Variants in ZNF217 observed in about 807,000 individuals in gnomAD.
The protein encoded by ZNF217 is zinc finger protein 217.
In ZNF217, 12 loss-of-function variants were observed where a neutral mutation model predicts 73.3. The ratio of observed to expected loss-of-function variants is 0.16; its 90% CI spans 0.10 to 0.27. The LOEUF is 0.27. Among genes scored for constraint, ZNF217 ranks in the 10% least tolerant of loss-of-function variants. ZNF217 has a pLI of 1.00. For missense variants in ZNF217, 1,195 were observed against 1,327.8 expected, an observed-to-expected ratio of 0.90 and a Z score of 1.55; for synonymous variants, 588 against 516.4, an observed-to-expected ratio of 1.14 and a Z score of -1.88.
At chr20:53,580,507 G>A (rs926537766) in intron 2 of ZNF217, among the ~76,000 whole-genome samples, 2 of 152,190 alleles carry the variant, frequency 1.3e-5, no homozygotes, top group Admixed American at 6.5e-5. Flanking sequence ...ACTCTGATAG[G>A]AGAAGCTCTG....
In ZNF217 at chr20:53,583,175, G is replaced by A. The variant is rs1988571374; in HGVS notation, c.-342-7C>T. 2 of 409,186 alleles carry A rather than the reference G, an allele frequency of 4.9e-6. No individual in the cohort carries two copies. The highest frequency in any genetic ancestry group is 2.1e-5 in the African/African-American group (1 of 48,560). The allele number at this position is 409,186 out of a possible 1,614,324, so 25.3% of individuals were successfully genotyped here. A position where few individuals can be genotyped will look rare whatever the true frequency, so the allele number is the denominator to read the frequency against. ...GACAAGGGATTTCCAAACCCTAGAG[G>A]AAAAAAAACAGAAACGGTTAGCTAC... On this transcript the variant is annotated splice_polypyrimidine_tract_variant and splice_region_variant and intron_variant, in intron 1 of 5. Transcript: ENST00000371471.
Position 53,579,674 on chromosome 20 carries a change from T to C in ZNF217, c.1367-1224A>G, listed in dbSNP as rs74581192. On this transcript the variant is annotated intron_variant, in intron 2 of 5. Transcript: ENST00000371471. ...AGGACATGACATTTCCACATCTACC[T>C]GGTTCCTGCTCTTTCAAGCATCACC... is the stretch of plus-strand genomic sequence containing the variant. 8.9e-3 allele frequency among the ~76,000 whole-genome samples: 1,363 copies of C among 152,334 alleles called. 28 individuals carry two copies. The highest frequency in any genetic ancestry group is 0.032 in the African/African-American group (1,312 of 41,562).
chr20:53,593,462 C>T lies in ZNF217; in HGVS notation c.-343+294G>A, dbSNP rs553828924. Among the ~76,000 whole-genome samples the T allele has an allele frequency of 2.6e-3, 387 of 149,920 alleles. 1 individual carries two copies. The highest frequency in any genetic ancestry group is 9.0e-3 in the African/African-American group (367 of 40,792). Reference sequence around the variant, plus strand: ...CACCCCCGCAGACCCCCGCTCCCGGCGGAGATTCAGGGAACCCCGCACCCC... The same window carrying T: ...CACCCCCGCAGACCCCCGCTCCCGGTGGAGATTCAGGGAACCCCGCACCCC... On this transcript the variant is annotated intron_variant, in intron 1 of 5. Transcript: ENST00000371471.
chr20:53,591,954 G>A (rs1988889901), intron 1 of ZNF217, among the ~76,000 whole-genome samples: 1 of 152,192 alleles, frequency 6.6e-6, no homozygotes, highest in Non-Finnish European at 1.5e-5. Context: ...AAAAGAGAAG[G>A]TAAAAGGCCT....
chr20:53,570,087 T>C (rs905953672), intron 5 of ZNF217, among the ~76,000 whole-genome samples: 6 of 152,298 alleles, frequency 3.9e-5, no homozygotes, highest in Admixed American at 6.5e-5. Flanking sequence ...CAGCTCCAGA[T>C]ACAGGAGCAT....
intron 3 of ZNF217, among the ~76,000 whole-genome samples, 166 bp downstream of exon 3, chr20:53,578,168 T>C (rs966961824): frequency 1.3e-5 from 2 of 152,142 alleles, no homozygotes; most frequent in Non-Finnish European, 1.5e-5. Context: ...TGGCTCAAGT[T>C]ACAATGGCAC....
rs753013652 is a variant in ZNF217, at chr20:53,575,947, G to C, written c.2817C>G (p.Gly939=). Reference sequence around the variant, plus strand: ...CCATATGGTACTTGGGAAGGTCATAGCCTCTTCTGTAATTGGCCCCGGGCT... The same window carrying C: ...CCATATGGTACTTGGGAAGGTCATACCCTCTTCTGTAATTGGCCCCGGGCT... ...VDQPGANYRR[G]YDLPKYHMVR... The change falls in exon 4 of 6, where the codon GGC becomes GGG. Residue 939 remains glycine (G), a synonymous_variant. Transcript: ENST00000371471. The C allele has an allele frequency of 2.4e-5, 39 of 1,614,110 alleles. No individual in the cohort carries two copies. The highest frequency in any genetic ancestry group is 1.3e-4 in the Admixed American group (8 of 60,006).
At chr20:53,573,900 G>T (rs13036836) in intron 4 of ZNF217, among the ~76,000 whole-genome samples, 1 of 151,928 alleles carries the variant, frequency 6.6e-6, no homozygotes, top group Non-Finnish European at 1.5e-5. Flanking sequence ...GCGAAATGCC[G>T]TCTCTACTAA....
intron 1 of ZNF217, among the ~76,000 whole-genome samples, chr20:53,587,672 G>A (rs1397120262): frequency 2.6e-5 from 4 of 151,562 alleles, no homozygotes; most frequent in Non-Finnish European, 5.9e-5. Flanking sequence ...CAAATAAGGA[G>A]TTATTAAAAA....
In ZNF217 at chr20:53,577,288, A is replaced by G. The variant is rs1474891669; in HGVS notation, c.1484-8T>C. The G allele has an allele frequency of 2.5e-6, 4 of 1,592,888 alleles. No individual in the cohort carries two copies. In the African/African-American group the frequency reaches 5.4e-5, roughly 21 times the overall value. ...ATTTGTATGGTTTTTCACCTAAGGC[A>G]AGAAATGGCACTTTATTATAGAAGT... On this transcript the variant is annotated splice_region_variant and splice_polypyrimidine_tract_variant and intron_variant, in intron 3 of 5. Coordinates refer to ENST00000371471, the MANE Select transcript of ZNF217 (RefSeq NM_006526.3).
rs1294344862 is a variant in ZNF217, at chr20:53,578,359, G to A, written c.1458C>T (p.Leu486=). Residue 486 remains leucine, a synonymous_variant, in exon 3 of 6, where the codon CTC becomes CTT. Coordinates refer to ENST00000371471, the MANE Select transcript of ZNF217 (RefSeq NM_006526.3). ...CGKFFRSNYY[L]NIHLRTHTGE... ...CTGTATGCGTTCTGAGATGAATATT[G>A]AGGTAATAATTTGAACGGAAAAACT... 2.5e-6 allele frequency: 4 copies of A among 1,595,954 alleles called. No homozygotes were observed. Among genetic ancestry groups the A allele is most frequent in the Non-Finnish European group, 3.4e-6 (4 of 1,173,900 alleles).
At position 53,578,006 on chromosome 20, in the gene ZNF217, G is replaced by T. The variant is rs190321553; in HGVS notation, c.1483+328C>A. Among the ~76,000 whole-genome samples the T allele has an allele frequency of 6.2e-3, 939 of 152,308 alleles. 9 individuals are homozygous for T. Among genetic ancestry groups the T allele is most frequent in the African/African-American group, 0.021 (871 of 41,560 alleles). On this transcript the variant is annotated intron_variant, in intron 3 of 5. Transcript: ENST00000371471. ...AGGTACCTGTAATCCCAACTACTGG[G>T]GAGGCTGAGGCAGGAGTATTGCTTG... is the stretch of plus-strand genomic sequence containing the variant.
chr20:53,577,548 T>A (rs1310951709), intron 3 of ZNF217, among the ~76,000 whole-genome samples: 3 of 152,198 alleles, frequency 2.0e-5, no homozygotes, highest in African/African-American at 4.8e-5. Flanking sequence ...TTATTCTACT[T>A]TTACAGCAAA....
intron 1 of ZNF217, among the ~76,000 whole-genome samples, chr20:53,588,219 T>A (rs1351862487): frequency 6.6e-6 from 1 of 152,140 alleles, no homozygotes; most frequent in East Asian, 1.9e-4. Flanking sequence ...GAATTCATCT[T>A]AAATCAGTTA....
chr20:53,589,504 G>A (rs1283924596), intron 1 of ZNF217, among the ~76,000 whole-genome samples: 6 of 152,238 alleles, frequency 3.9e-5, no homozygotes, highest in Admixed American at 3.3e-4. Context: ...GGCGGCAGCT[G>A]GCTAGCGGGG....
In ZNF217 at chr20:53,576,922, C is replaced by A. The variant is rs773920832; in HGVS notation, c.1842G>T (p.Val614=). 2 of 1,614,114 alleles carry A rather than the reference C, an allele frequency of 1.2e-6. No homozygotes were observed. The highest frequency in any genetic ancestry group is 1.1e-5 in the South Asian group (1 of 91,078). The change falls in exon 4 of 6, where the codon GTG becomes GTT. Residue 614 remains valine (V), a synonymous_variant. Coordinates refer to ENST00000371471, the MANE Select transcript of ZNF217 (RefSeq NM_006526.3). ...KNAADDSADK[V]NKNPTPAYLD... ...GGTAAGCAGGGGTAGGGTTTTTATT[C>A]ACTTTATCAGCACTGTCATCAGCTG...
intron 1 of ZNF217, among the ~76,000 whole-genome samples, chr20:53,583,919 C>T (rs1189754255): frequency 6.6e-6 from 1 of 152,192 alleles, no homozygotes; most frequent in African/African-American, 2.4e-5. Context: ...GTCCAAACAA[C>T]AAATAGGGAA....
In ZNF217 at chr20:53,577,158, C is replaced by G; in HGVS notation, c.1606G>C (p.Asp536His). 6.2e-7 allele frequency: 1 copy of G among 1,614,036 alleles called. No individual in the cohort carries two copies. Among genetic ancestry groups the G allele is most frequent in the Non-Finnish European group, 8.5e-7 (1 of 1,180,048 alleles). The change falls in exon 4 of 6, where the codon GAT (aspartate) becomes CAT (histidine). Residue 536 changes from aspartate to histidine, a missense_variant. By Grantham distance (81) the Asp-to-His change is moderately conservative (BLOSUM62 -1). Around this residue, in one of 9 missense-constraint regions of ZNF217, gnomAD observed 649 missense variants for 642.8 expected, o/e 1.01. Transcript: ENST00000371471. ...TCTTCAGTGTCCTGATTTTTACCAT[C>G]GTTCTTGACTTCAGCAGCAACATCG... ...QTDVAAEVKN[D>H]GKNQDTEDAL...
At chr20:53,571,635 G>A (rs1177410580) in intron 5 of ZNF217, 86 bp downstream of exon 5, 9 of 1,443,606 alleles carry the variant, frequency 6.2e-6, no homozygotes, top group African/African-American at 2.9e-5. Context: ...TCAAATGCTC[G>A]ATCTCAGGTG....
Sources: allele counts gnomAD v4.1 joint callset (sites outside exome capture counted in the v4.1 genomes callset), GRCh38; gene constraint gnomAD v4.1.1; regional missense constraint gnomAD v4.1.1; transcripts MANE v1.5; gene names NCBI Gene and HGNC (gene_info 2026-07-23, HGNC 2026-07-21).